The following VWA3B variants were observed in gnomAD, a reference collection of about 807,000 sequenced individuals.
VWA3B encodes the protein von Willebrand factor A domain containing 3B.
Under a neutral mutation model 158.3 loss-of-function variants are expected in VWA3B, and 138 were observed. That is an observed-to-expected ratio of 0.87 (90% CI 0.76 to 1.00). The LOEUF is 1.00. Among genes scored for constraint, VWA3B ranks in the 50% least tolerant of loss-of-function variants. VWA3B has a pLI of 0.00. For missense variants in VWA3B, 1,555 were observed against 1,565.1 expected, an observed-to-expected ratio of 0.99 and a Z score of 0.11; for synonymous variants, 596 against 587.3, an observed-to-expected ratio of 1.01 and a Z score of -0.21.
chr2:98,170,642 C>G (rs895251156), intron 8 of VWA3B, among the ~76,000 whole-genome samples: 1 of 150,348 alleles, frequency 6.7e-6, no homozygotes, highest in African/African-American at 2.4e-5. Flanking sequence ...GTATATCGCT[C>G]TGTCACCAGG....
In VWA3B at chr2:98,255,948, C is replaced by T. The variant is rs560129822; in HGVS notation, c.2793-176C>T. 4.4e-3 allele frequency among the ~76,000 whole-genome samples: 669 copies of T among 152,216 alleles called. 2 individuals carry two copies. Among genetic ancestry groups the T allele is most frequent in the Admixed American group, 7.9e-3 (121 of 15,294 alleles). On this transcript the variant is annotated intron_variant, in intron 20 of 27. Transcript: ENST00000477737. ...ATTTGACGCAATTGCCACAAAACCACGAGGCTGCTGCAGTGATGCTGAGGT... is the reference window on the plus strand; with the variant it reads ...ATTTGACGCAATTGCCACAAAACCATGAGGCTGCTGCAGTGATGCTGAGGT...
intron 5 of VWA3B, 108 bp from the exon 6 acceptor site, chr2:98,128,131 T>C: frequency 7.4e-7 from 1 of 1,358,522 alleles, no homozygotes; most frequent in South Asian, 1.4e-5. Context: ...CTATTCTTTC[T>C]GCCCATTTTT....
chr2:98,295,180 A>G (rs1689726785), intron 23 of VWA3B, among the ~76,000 whole-genome samples: 3 of 152,090 alleles, frequency 2.0e-5, no homozygotes. Context: ...GAAGGATGAC[A>G]CTGCCGAGGA....
At chr2:98,106,297 G>C (rs918739942) in intron 2 of VWA3B, among the ~76,000 whole-genome samples, 14 of 151,948 alleles carry the variant, frequency 9.2e-5, no homozygotes, top group Non-Finnish European at 1.6e-4. Context: ...AGAATTTCTT[G>C]AAATTGGGCC....
chr2:98,256,571 T>C (rs1219918615), intron 21 of VWA3B, among the ~76,000 whole-genome samples: 2 of 152,228 alleles, frequency 1.3e-5, no homozygotes, highest in African/African-American at 4.8e-5. Context: ...TACACCACGT[T>C]TGTCTGTCCA....
chr2:98,186,673 A>G (rs977602621), intron 9 of VWA3B, among the ~76,000 whole-genome samples: 4 of 151,848 alleles, frequency 2.6e-5, no homozygotes, highest in Non-Finnish European at 5.9e-5. Context: ...CGTGCCTGTC[A>G]TTCAGGATCT....
At chr2:98,114,553 G>C (rs1674381162) in intron 2 of VWA3B, among the ~76,000 whole-genome samples, 1 of 152,204 alleles carries the variant, frequency 6.6e-6, no homozygotes, top group African/African-American at 2.4e-5. Flanking sequence ...AGAGGAGGCT[G>C]TTATCCTGCC....
In VWA3B at chr2:98,169,478, A is replaced by T. The variant is rs191453812; in HGVS notation, c.1114+6502A>T. Among the ~76,000 whole-genome samples the T allele has an allele frequency of 2.0e-5, 3 of 152,364 alleles. No homozygotes were observed. The East Asian group carries it at 5.8e-4, about 29-fold the overall frequency. ...CCTGTCAGAAAAAAAAAAGAAGAAC[A>T]AAGAACAGATAGGGCCAATAGAAAA... is the stretch of plus-strand genomic sequence containing the variant. On this transcript the variant is annotated intron_variant, in intron 8 of 27. Transcript: ENST00000477737.
At chr2:98,131,581 T>C (rs568707487) in intron 6 of VWA3B, among the ~76,000 whole-genome samples, 1 of 152,338 alleles carries the variant, frequency 6.6e-6, no homozygotes, top group South Asian at 2.1e-4. Context: ...TTATAAGACT[T>C]CCCTTTTCTC....
rs761488903 is a variant in VWA3B at position 98,125,992 on chromosome 2, G to A, written c.703-2247G>A. Among the ~76,000 whole-genome samples the A allele has an allele frequency of 6.6e-5, 10 of 152,158 alleles. No individual in the cohort carries two copies. The highest frequency in any genetic ancestry group is 4.1e-4 in the South Asian group (2 of 4,824). On this transcript the variant is annotated intron_variant, in intron 5 of 27. Transcript: ENST00000477737. This position sits in a 1 kb window ranked among gnomAD's most constrained non-coding sequence, Gnocchi z 4.1. ...TTTCTGTTTTTCTAAGTGTCATCAC[G>A]TGAGCAGAAAGGAGAGGCAGAAAGA...
At chr2:98,150,806 T>A (rs1302373687) in intron 7 of VWA3B, among the ~76,000 whole-genome samples, 1 of 152,176 alleles carries the variant, frequency 6.6e-6, no homozygotes, top group East Asian at 1.9e-4. Flanking sequence ...AGTCTGTAGG[T>A]GTGATTTTAA....
At chr2:98,120,726 A>T (rs934984620) in intron 4 of VWA3B, among the ~76,000 whole-genome samples, 1 of 152,224 alleles carries the variant, frequency 6.6e-6, no homozygotes. Flanking sequence ...GAGTTCTACC[A>T]GTCTTTTATA....
At chr2:98,313,819 AATGCTAGTTGCATTGGTGTTAC>A (rs1691029340), downstream of VWA3B, among the ~76,000 whole-genome samples, 1 of 152,112 alleles carries the variant, frequency 6.6e-6, no homozygotes, top group Admixed American at 6.5e-5. Flanking sequence ...AAATATATAC[AATGCTAGTTGCATTGGTGTTAC>A]ATTGCAGTGC....
intron 9 of VWA3B, among the ~76,000 whole-genome samples, chr2:98,184,337 A>G (rs1001664496): frequency 2.6e-5 from 4 of 152,348 alleles, no homozygotes; most frequent in East Asian, 3.9e-4. Context: ...CCTTGGGAGC[A>G]TAGGACAGAT....
chr2:98,233,485 G>T (rs539408781), intron 16 of VWA3B, among the ~76,000 whole-genome samples: 124 of 152,326 alleles, frequency 8.1e-4, no homozygotes, highest in African/African-American at 2.9e-3. Context: ...TGGGCTGCCA[G>T]TGTGGACACT....
intron 12 of VWA3B, among the ~76,000 whole-genome samples, chr2:98,195,337 A>G (rs1281390882): frequency 1.3e-5 from 2 of 152,202 alleles, no homozygotes; most frequent in South Asian, 2.1e-4. Flanking sequence ...TTTAGTGTCT[A>G]GTTTAGAGTC....
chr2:98,277,148 A>G (rs914659273), intron 22 of VWA3B, among the ~76,000 whole-genome samples: 12 of 152,246 alleles, frequency 7.9e-5, no homozygotes, highest in Admixed American at 6.5e-5. Flanking sequence ...ACCTATGTCC[A>G]TAATCCACAG....
At chr2:98,305,992 C>G (rs1046362425) in intron 26 of VWA3B, among the ~76,000 whole-genome samples, 1 of 152,154 alleles carries the variant, frequency 6.6e-6, no homozygotes. Context: ...CCTAGCCACT[C>G]CCAGCTAACC....
At chr2:98,226,451 C>T (rs1241526221) in intron 14 of VWA3B, among the ~76,000 whole-genome samples, 1 of 152,126 alleles carries the variant, frequency 6.6e-6, no homozygotes, top group Non-Finnish European at 1.5e-5. Context: ...AAATCTAAAA[C>T]ATAAAACTGT....
Sources: allele counts gnomAD v4.1 joint callset (sites outside exome capture counted in the v4.1 genomes callset), GRCh38; gene constraint gnomAD v4.1.1; non-coding constraint Gnocchi (gnomAD v3.1); transcripts MANE v1.5; gene names NCBI Gene and HGNC (gene_info 2026-07-23, HGNC 2026-07-21).